The following VSIG8 variants were observed in gnomAD, a reference collection of about 807,000 sequenced individuals.
VSIG8 encodes the protein V-set and immunoglobulin domain-containing protein 8.
VSIG8 carries 32 observed loss-of-function variants against 42.6 expected under a neutral mutation model. The observed-to-expected ratio is 0.75, with a 90% CI of 0.57 to 1.01. The LOEUF (loss-of-function observed/expected upper bound fraction) is 1.01, where lower values mean the gene tolerates loss of function less well. Among genes scored for constraint, VSIG8 ranks in the 50% least tolerant of loss-of-function variants. The pLI is 0.00. For missense variants in VSIG8, 529 were observed against 558.0 expected (o/e 0.95, Z 0.52); for synonymous variants, 290 against 243.8 (o/e 1.19, Z -1.77).
At chr1:159,861,036 G>A (rs115753471) in intron 1 of VSIG8, 8,849 of 152,328 alleles carry the variant, frequency 0.058, 450 homozygotes, top group African/African-American at 0.14. Flanking sequence ...CCTCTCCTTG[G>A]GAAGTTGCTC....
chr1:159,859,907 C>G (rs1363523304), intron 1 of VSIG8, among the ~76,000 whole-genome samples: 2 of 151,926 alleles, frequency 1.3e-5, no homozygotes, highest in African/African-American at 4.8e-5. Flanking sequence ...GAGCTCTTGT[C>G]CCTCCCTACC....
chr1:159,857,984 A>G lies in VSIG8; in HGVS notation c.431-18T>C, dbSNP rs750666450. 1.7e-5 allele frequency: 27 copies of G among 1,612,644 alleles called. No individual in the cohort carries two copies. Among genetic ancestry groups the G allele is most frequent in the Admixed American group, 1.2e-4 (7 of 59,842 alleles). On this transcript the variant is annotated intron_variant, in intron 3 of 6. Coordinates refer to ENST00000368100, the MANE Select transcript of VSIG8 (RefSeq NM_001013661.1). ...AGGTCGTGCTGCAAGGAGGCAGACA[A>G]TTGTAAGCCAGGGCCCAGCCAAGAG...
intron 4 of VSIG8, 147 bp from the exon 5 acceptor site, chr1:159,856,790 C>CACACA: frequency 1.9e-6 from 2 of 1,041,296 alleles, no homozygotes; most frequent in Non-Finnish European, 2.7e-6. Context: ...CACACACACA[C>CACACA]TCCACTCTCC....
At chr1:159,859,006 C>A in intron 1 of VSIG8, 94 bp from the exon 2 acceptor site, 1 of 1,373,438 alleles carries the variant, frequency 7.3e-7, no homozygotes. Context: ...TCTCTGTCCA[C>A]GGCACCCAGA....
At chr1:159,861,263 T>A (rs1223043070) in intron 1 of VSIG8, 1 of 152,126 alleles carries the variant, frequency 6.6e-6, no homozygotes, top group African/African-American at 2.4e-5. Flanking sequence ...CTGGCCATGC[T>A]TTACGGGGTG....
rs1391741100 is a variant in VSIG8, at chr1:159,854,815, T to G, written c.1183A>C (p.Ser395Arg). The G allele has an allele frequency of 3.3e-6, 5 of 1,503,426 alleles. No individual in the cohort carries two copies. The highest frequency in any genetic ancestry group is 3.5e-6 in the Non-Finnish European group (4 of 1,133,544). 93.1% of individuals were successfully genotyped at this position (1,503,426 alleles called of 1,614,324 possible). ...TCGGCGCAGTCAGCCGGCTCCGCGC[T>G]CTTGACCTTGACGTAGACCGGGGAG... ...GPSPVYVKVK[S>R]AEPADCAEGP... Residue 395 changes from serine to arginine, a missense_variant, in exon 7 of 7, where the codon AGC (serine) becomes CGC (arginine). Transcript: ENST00000368100.
chr1:159,854,436 C>G lies in VSIG8; in HGVS notation c.*317G>C. ...CGGCCCCCGGGGCCCTCTGCTTAGG[C>G]TGGGGACACCAGGCCTCCGGCCTCA... is the stretch of plus-strand genomic sequence containing the variant. On this transcript the variant is annotated 3_prime_UTR_variant, in exon 7 of 7. Transcript: ENST00000368100. 1 of 319,134 alleles carries G rather than the reference C, an allele frequency of 3.1e-6. No homozygotes were observed. Among genetic ancestry groups the G allele is most frequent in the Non-Finnish European group, 5.5e-6 (1 of 182,962 alleles). 19.8% of individuals were successfully genotyped at this position (319,134 alleles called of 1,614,324 possible). A position where few individuals can be genotyped will look rare whatever the true frequency, so the allele number is the denominator to read the frequency against.
chr1:159,858,774 A>G lies in VSIG8; in HGVS notation c.188T>C (p.Met63Thr), dbSNP rs1648926017. 4 of 1,613,818 alleles carry G rather than the reference A, an allele frequency of 2.5e-6. No homozygotes were observed. Among genetic ancestry groups the G allele is most frequent in the Admixed American group, 1.7e-5 (1 of 59,982 alleles). Residue 63 changes from methionine (M) to threonine (T), a missense_variant, in exon 2 of 7, where the codon ATG (methionine) becomes ACG (threonine). By Grantham distance (81) the Met-to-Thr change is moderately conservative. Transcript: ENST00000368100. ...YGPNGLDIEW[M>T]QVNSDPAHHR... ...GTGGGCGGGGTCTGAGTTGACCTGC[A>G]TCCACTCGATGTCCAGCCCATTGGG...
intron 6 of VSIG8, 52 bp downstream of exon 6, chr1:159,855,831 A>T (rs1648799424): frequency 6.7e-7 from 1 of 1,494,986 alleles, no homozygotes; most frequent in Non-Finnish European, 8.9e-7. Context: ...TGAGGTGGGC[A>T]GGGCGCCGGT....
Position 159,857,772 on chromosome 1 carries a change from C to T in VSIG8, c.625G>A (p.Glu209Lys), listed in dbSNP as rs764729595. The T allele has an allele frequency of 3.1e-6, 5 of 1,613,984 alleles. No individual in the cohort carries two copies. The highest frequency in any genetic ancestry group is 3.3e-5 in the Admixed American group (2 of 60,000). Reference protein sequence around the residue: ...HSYHSELSYQESFHSSINQGL... With the variant: ...HSYHSELSYQKSFHSSINQGL... ...TGGTTTATGGAGCTGTGGAAGGACT[C>T]CTGGTAGGACAGCTCTGAGTGGTAG... is the stretch of plus-strand genomic sequence containing the variant. The change falls in exon 4 of 7, where the codon GAG becomes AAG. Residue 209 changes from glutamate (E) to lysine (K), a missense_variant. Glu to Lys is a moderately conservative substitution (Grantham distance 56). Coordinates refer to ENST00000368100, the MANE Select transcript of VSIG8 (RefSeq NM_001013661.1).
chr1:159,856,731 TAGA>T, intron 4 of VSIG8, 88 bp from the exon 5 acceptor site: 1 of 1,539,938 alleles, frequency 6.5e-7, no homozygotes, highest in Non-Finnish European at 8.8e-7. Flanking sequence ...ACACCCACTC[TAGA>T]AGAAGGGAAG....
At chr1:159,859,140 G>T (rs1648944978) in intron 1 of VSIG8, among the ~76,000 whole-genome samples, 1 of 152,148 alleles carries the variant, frequency 6.6e-6, no homozygotes, top group Non-Finnish European at 1.5e-5. Context: ...TGTTATGTAT[G>T]CTTGTATGTA....
At chr1:159,856,792 C>CA in intron 4 of VSIG8, 149 bp from the exon 5 acceptor site, 69 of 1,033,236 alleles carry the variant, frequency 6.7e-5, no homozygotes, top group Non-Finnish European at 8.7e-5. Context: ...CACACACACT[C>CA]CACTCTCCAG....
intron 5 of VSIG8, 129 bp from the exon 6 acceptor site, chr1:159,856,210 C>A: frequency 1.1e-6 from 1 of 931,718 alleles, no homozygotes; most frequent in Middle Eastern, 2.4e-4. Context: ...GTCTCTTAGC[C>A]CTGGAACACC....
chr1:159,858,745 G>A lies in VSIG8; in HGVS notation c.217C>T (p.Arg73Ter), dbSNP rs775698442. The change falls in exon 2 of 7, where the codon CGA becomes TGA. Residue 73 changes from arginine (R) to a stop codon, truncating the protein, a stop_gained. Coordinates refer to ENST00000368100, the MANE Select transcript of VSIG8 (RefSeq NM_001013661.1). LOFTEE classifies it high-confidence loss of function. ...MQVNSDPAHH[R>*]ENVFLSYQDK... The stretch of plus-strand genomic sequence containing the variant: ...TGCCCAGCACTCACCACGTTCTCTC[G>A]GTGGTGGGCGGGGTCTGAGTTGACC... The A allele has an allele frequency of 5.0e-6, 8 of 1,611,604 alleles. No individual in the cohort carries two copies. The highest frequency in any genetic ancestry group is 2.2e-5 in the East Asian group (1 of 44,866).
At chr1:159,856,244 G>T in intron 5 of VSIG8, 163 bp from the exon 6 acceptor site, 2 of 783,052 alleles carry the variant, frequency 2.6e-6, no homozygotes, top group Non-Finnish European at 4.0e-6. Context: ...ATGGGGAGAT[G>T]CAAGTTAACC....
intron 1 of VSIG8, among the ~76,000 whole-genome samples, chr1:159,859,113 G>A (rs1648943847): frequency 6.6e-6 from 1 of 152,056 alleles, no homozygotes; most frequent in South Asian, 2.1e-4. Flanking sequence ...TATACATATA[G>A]CTGTTATATA....
chr1:159,855,673 G>T, intron 6 of VSIG8: 2 of 954,092 alleles, frequency 2.1e-6, no homozygotes, highest in Non-Finnish European at 2.5e-6. Context: ...GAAATGGAAG[G>T]CAGGGAGCAG....
rs1421152839 is a variant in VSIG8 at position 159,854,447 on chromosome 1, A to G, written c.*306T>C. On this transcript the variant is annotated 3_prime_UTR_variant, in exon 7 of 7. Transcript: ENST00000368100. ...GCCCTCTGCTTAGGCTGGGGACACC[A>G]GGCCTCCGGCCTCAGCCGCTCTAGG... The G allele has an allele frequency of 6.4e-6, 2 of 311,976 alleles. No individual in the cohort carries two copies. The highest frequency in any genetic ancestry group is 2.3e-5 in the African/African-American group (1 of 44,096). 19.3% of individuals were successfully genotyped at this position (311,976 alleles called of 1,614,324 possible). A position where few individuals can be genotyped will look rare whatever the true frequency, so the allele number is the denominator to read the frequency against.
Sources: allele counts gnomAD v4.1 joint callset (sites outside exome capture counted in the v4.1 genomes callset), GRCh38; gene constraint gnomAD v4.1.1; transcripts MANE v1.5; gene names NCBI Gene and HGNC (gene_info 2026-07-23, HGNC 2026-07-21).